SCAMP5: variants seen among roughly 807,000 people sequenced by gnomAD.
The protein encoded by SCAMP5 is secretory carrier membrane protein 5.
A neutral mutation model predicts 28.3 loss-of-function variants in SCAMP5; 7 were observed. The observed-to-expected ratio is 0.25, with a 90% confidence interval of 0.14 to 0.46. The LOEUF is 0.46. Ranked by LOEUF, SCAMP5 falls within the 20% of genes least tolerant of loss-of-function variation. SCAMP5 has a pLI of 0.99. For synonymous variants in SCAMP5, 117 were observed against 116.4 expected, an observed-to-expected ratio of 1.00 and a Z score of -0.03; for missense variants, 192 against 312.5, an observed-to-expected ratio of 0.61 and a Z score of 2.91.
intron 1 of SCAMP5, chr15:74,997,151 C>CCCTTTCTTCTCCCTCTTCCTTTT (rs2065661156): frequency 6.6e-6 from 1 of 152,332 alleles, no homozygotes; most frequent in Non-Finnish European, 1.5e-5. Context: ...AGAGCATCCC[C>CCCTTTCTTCTCCCTCTTCCTTTT]CCTTTCTTCT....
At chr15:74,998,667 A>G (rs971063858) in intron 1 of SCAMP5, among the ~76,000 whole-genome samples, 18 of 147,830 alleles carry the variant, frequency 1.2e-4, no homozygotes, top group South Asian at 1.1e-3. Context: ...TTCCCCTCCA[A>G]CCCCCCACCC....
chr15:75,005,335 G>T (rs578100405), intron 1 of SCAMP5, among the ~76,000 whole-genome samples: 2 of 151,992 alleles, frequency 1.3e-5, no homozygotes, highest in African/African-American at 4.8e-5. Flanking sequence ...GGTGGTGCAT[G>T]CCTGTAATCC....
At chr15:74,999,364 A>G (rs2065681036) in intron 1 of SCAMP5, among the ~76,000 whole-genome samples, 1 of 152,172 alleles carries the variant, frequency 6.6e-6, no homozygotes, top group Non-Finnish European at 1.5e-5. Flanking sequence ...CCATCCCTTC[A>G]TCACTTATAG....
At chr15:75,009,496 T>C (rs1021201005) in intron 1 of SCAMP5, among the ~76,000 whole-genome samples, 1 of 151,122 alleles carries the variant, frequency 6.6e-6, no homozygotes, top group African/African-American at 2.4e-5. Context: ...TTTTTTCCTT[T>C]GAGACAGTCT....
intron 3 of SCAMP5, among the ~76,000 whole-genome samples, chr15:75,015,007 G>A (rs768368738): frequency 2.0e-5 from 3 of 152,174 alleles, no homozygotes; most frequent in Non-Finnish European, 4.4e-5. Flanking sequence ...TGGGTGACAC[G>A]GTGGTCAGGC....
At position 75,018,162 on chromosome 15, in the gene SCAMP5, T is replaced by C. The variant is rs906493470; in HGVS notation, c.395+191T>C. Among the ~76,000 whole-genome samples, 4 of 152,092 alleles carry C rather than the reference T, an allele frequency of 2.6e-5. No homozygotes were observed. The highest frequency in any genetic ancestry group is 9.7e-5 in the African/African-American group (4 of 41,412). ...GGAAGGAGAACCTGGCAGTGGTTTC[T>C]TGGGGGCTGAGGGGTGTCAGGGATT... On this transcript the variant is annotated intron_variant, in intron 5 of 6. Coordinates refer to ENST00000425597, the MANE Select transcript of SCAMP5 (RefSeq NM_138967.4). This position sits in a 1 kb window ranked among gnomAD's most constrained non-coding sequence, Gnocchi z 5.6.
rs756618621 is a variant in SCAMP5, at chr15:75,011,854, G to C, written c.7+8G>C. On this transcript the variant is annotated splice_region_variant and intron_variant, in intron 2 of 6. Transcript: ENST00000425597. ...CTGGTAACATCATGGCAGGTAAGGA[G>C]AGGGGCAGGCTGTGTGGGTAGGACA... 4.3e-6 allele frequency: 7 copies of C among 1,612,180 alleles called. No individual in the cohort carries two copies. Among genetic ancestry groups the C allele is most frequent in the East Asian group, 4.5e-5 (2 of 44,854 alleles).
chr15:75,001,892 A>AT (rs1411539646), intron 1 of SCAMP5, among the ~76,000 whole-genome samples: 1 of 144,238 alleles, frequency 6.9e-6, no homozygotes, highest in Non-Finnish European at 1.5e-5. Context: ...AAAAAAAAAA[A>AT]AAAAAAGAGA....
At position 75,021,100 on chromosome 15, in the gene SCAMP5, T is replaced by C. The variant is rs2065900545; in HGVS notation, c.*2117T>C. On this transcript the variant is annotated 3_prime_UTR_variant, in exon 7 of 7. Transcript: ENST00000425597. Reference sequence around the variant, plus strand: ...CTGTTGGATGTTACCTCCAATCAGTTTCCTGTCCTACCTGCCTCTTTGGCT... The same window carrying C: ...CTGTTGGATGTTACCTCCAATCAGTCTCCTGTCCTACCTGCCTCTTTGGCT... The C allele has an allele frequency of 6.6e-6, 1 of 152,236 alleles. No homozygotes were observed. Among genetic ancestry groups the C allele is most frequent in the Admixed American group, 6.5e-5 (1 of 15,278 alleles). 9.4% of individuals were successfully genotyped at this position (152,236 alleles called of 1,614,324 possible).
At chr15:74,998,450 A>T (rs993835565) in intron 1 of SCAMP5, among the ~76,000 whole-genome samples, 3 of 152,116 alleles carry the variant, frequency 2.0e-5, no homozygotes, top group Non-Finnish European at 4.4e-5. Flanking sequence ...TAGTAAAAAT[A>T]CAAAAATTAG....
chr15:75,019,127 ATATATATGTATATG>A lies in SCAMP5; in HGVS notation c.*146_*159del. 1 of 486,844 alleles carries A rather than the reference ATATATATGTATATG, an allele frequency of 2.1e-6. No individual in the cohort carries two copies. The highest frequency in any genetic ancestry group is 4.5e-5 in the South Asian group (1 of 22,324). 30.2% of individuals were successfully genotyped at this position (486,844 alleles called of 1,614,324 possible). A position where few individuals can be genotyped will look rare whatever the true frequency, so the allele number is the denominator to read the frequency against. Reference sequence around the variant, plus strand: ...TACAAAGGACCAGAGTTATATATATATATATATGTATATGTCTGTACCCCAGCCCCCACCTTTCA... The same window carrying A: ...TACAAAGGACCAGAGTTATATATATATCTGTACCCCAGCCCCCACCTTTCA... On this transcript the variant is annotated 3_prime_UTR_variant, in exon 7 of 7. Transcript: ENST00000425597.
rs556168578 is a variant in SCAMP5 at position 75,018,540 on chromosome 15, G to A, written c.513+5G>A. 2.2e-4 allele frequency: 354 copies of A among 1,582,558 alleles called. 6 individuals carry two copies. In the South Asian group the frequency reaches 3.7e-3, roughly 16 times the overall value. ...TCCTTCATCGCCCTCAGCATGGTAC[G>A]TGGTCCCCTCAAGGGTGAGAAGGTG... is the stretch of plus-strand genomic sequence containing the variant. On this transcript the variant is annotated splice_donor_5th_base_variant and intron_variant, in intron 6 of 6. Coordinates refer to ENST00000425597, the MANE Select transcript of SCAMP5 (RefSeq NM_138967.4). The surrounding 1 kb of genome is among the most constrained non-coding windows in gnomAD (Gnocchi z 5.6).
intron 3 of SCAMP5, among the ~76,000 whole-genome samples, chr15:75,014,744 G>A (rs936098768): frequency 6.6e-6 from 1 of 152,192 alleles, no homozygotes; most frequent in Non-Finnish European, 1.5e-5. Context: ...GAGAGGGGCT[G>A]AGCTCATGGG....
intron 1 of SCAMP5, among the ~76,000 whole-genome samples, chr15:75,009,482 T>TGC (rs2065791835): frequency 6.7e-6 from 1 of 149,848 alleles, no homozygotes; most frequent in South Asian, 2.1e-4. Context: ...TGTGTGTGTG[T>TGC]GCTTTTTTTC....
chr15:75,012,632 G>T, intron 2 of SCAMP5, 45 bp from the exon 3 acceptor site: 1 of 1,611,942 alleles, frequency 6.2e-7, no homozygotes, highest in Non-Finnish European at 8.5e-7. Context: ...TGGATTGTCG[G>T]GTGGAAGACT....
chr15:75,018,738 G>T lies in SCAMP5; in HGVS notation c.514-51G>T. On this transcript the variant is annotated intron_variant, in intron 6 of 6. Transcript: ENST00000425597. This position sits in a 1 kb window ranked among gnomAD's most constrained non-coding sequence, Gnocchi z 5.6. ...GATGGGTCCCATCTATTTCCTGGAT[G>T]GGCTGCCTTTTCTCTTTGATTAACC... is the stretch of plus-strand genomic sequence containing the variant. The T allele has an allele frequency of 7.3e-7, 1 of 1,376,918 alleles. No homozygotes were observed. Among genetic ancestry groups the T allele is most frequent in the Non-Finnish European group, 1.0e-6 (1 of 972,440 alleles). 85.3% of individuals were successfully genotyped at this position (1,376,918 alleles called of 1,614,324 possible).
chr15:75,018,328 C>G lies in SCAMP5; in HGVS notation c.396-90C>G. Reference sequence around the variant, plus strand: ...CTGCATCCAGTGATATGTTTCCTCCCTGTGGCAATGAGACGGTCCCTTCCT... The same window carrying G: ...CTGCATCCAGTGATATGTTTCCTCCGTGTGGCAATGAGACGGTCCCTTCCT... On this transcript the variant is annotated intron_variant, in intron 5 of 6. Transcript: ENST00000425597. The surrounding 1 kb of genome is among the most constrained non-coding windows in gnomAD (Gnocchi z 5.6). 1.2e-6 allele frequency: 1 copy of G among 820,338 alleles called. No individual in the cohort carries two copies. The highest frequency in any genetic ancestry group is 2.4e-5 in the East Asian group (1 of 41,196). The allele number at this position is 820,338 out of a possible 1,614,324, so 50.8% of individuals were successfully genotyped here. A position where few individuals can be genotyped will look rare whatever the true frequency, so the allele number is the denominator to read the frequency against.
In SCAMP5 at chr15:75,019,083, T is replaced by A; in HGVS notation, c.*100T>A. On this transcript the variant is annotated 3_prime_UTR_variant, in exon 7 of 7. Transcript: ENST00000425597. ...TACCAAGCAGGGTTCCCCCTTCCCTTTTCTCCTTCCCTACTTTGTACAAAG... is the reference window on the plus strand; with the variant it reads ...TACCAAGCAGGGTTCCCCCTTCCCTATTCTCCTTCCCTACTTTGTACAAAG... The A allele has an allele frequency of 1.4e-6, 1 of 721,776 alleles. No individual in the cohort carries two copies. The highest frequency in any genetic ancestry group is 2.3e-5 in the South Asian group (1 of 43,870). 44.7% of individuals were successfully genotyped at this position (721,776 alleles called of 1,614,324 possible).
chr15:75,014,047 T>G (rs573372562), intron 3 of SCAMP5, among the ~76,000 whole-genome samples: 2 of 152,026 alleles, frequency 1.3e-5, no homozygotes, highest in South Asian at 4.1e-4. Flanking sequence ...TATCCTGTGC[T>G]GGGTGTGAGC....
Sources: allele counts gnomAD v4.1 joint callset (sites outside exome capture counted in the v4.1 genomes callset), GRCh38; gene constraint gnomAD v4.1.1; non-coding constraint Gnocchi (gnomAD v3.1); transcripts MANE v1.5; gene names NCBI Gene and HGNC (gene_info 2026-07-23, HGNC 2026-07-21).